Variants in DOCK9 observed in about 807,000 individuals in gnomAD.
DOCK9 encodes dedicator of cytokinesis protein 9.
Under a neutral mutation model 263.3 loss-of-function variants are expected in DOCK9, and 89 were observed. That is an observed-to-expected ratio of 0.34 (90% CI 0.28 to 0.40). The LOEUF (loss-of-function observed/expected upper bound fraction) is 0.40. DOCK9 is among the 10% of genes least tolerant of loss of function. The pLI is 1.00. For missense variants in DOCK9, 2,140 were observed against 2,603.4 expected (o/e 0.82, Z 3.87); for synonymous variants, 976 against 973.1 (o/e 1.00, Z -0.06).
intron 15 of DOCK9, among the ~76,000 whole-genome samples, chr13:98,893,906 A>G (rs2046999536): frequency 6.6e-6 from 1 of 152,188 alleles, no homozygotes; most frequent in Admixed American, 6.5e-5. Context: ...TGCTGTCACC[A>G]TCGGATCCCT....
chr13:98,956,672 G>A (rs1011804655), intron 1 of DOCK9, among the ~76,000 whole-genome samples: 3 of 152,070 alleles, frequency 2.0e-5, no homozygotes, highest in African/African-American at 7.2e-5. Context: ...ACTTGAACTG[G>A]GGAGGCGGAG....
Position 98,810,283 on chromosome 13 carries a change from C to T in DOCK9, c.5139G>A (p.Leu1713=), listed in dbSNP as rs774772479. The change falls in exon 46 of 53, where the codon CTG becomes CTA. Residue 1713 remains leucine, a synonymous_variant. Transcript: ENST00000682017. Reference sequence around the variant, plus strand: ...CTGCGCACTGCTCAAGGAGCTCCATCAGCACATCCTGATCAAAGAGGAGGG... The same window carrying T: ...CTGCGCACTGCTCAAGGAGCTCCATTAGCACATCCTGATCAAAGAGGAGGG... The part of the protein sequence containing the change: ...MQDVHFNEDV[L]MELLEQCADG... 6.2e-7 allele frequency: 1 copy of T among 1,613,496 alleles called. No homozygotes were observed. Among genetic ancestry groups the T allele is most frequent in the East Asian group, 2.2e-5 (1 of 44,878 alleles).
At chr13:98,796,317 T>C (rs2089398487) in intron 52 of DOCK9, 4 of 958,154 alleles carry the variant, frequency 4.2e-6, no homozygotes, top group Admixed American at 2.0e-5. Flanking sequence ...TGTCAGGGGA[T>C]AGGATCACTC....
intron 1 of DOCK9, among the ~76,000 whole-genome samples, chr13:99,003,600 C>T (rs1247585008): frequency 6.6e-6 from 1 of 152,214 alleles, no homozygotes; most frequent in Non-Finnish European, 1.5e-5. Context: ...TCAGTGCTCC[C>T]ACCTCAGCAG....
chr13:98,970,266 G>A (rs556256515), intron 1 of DOCK9, among the ~76,000 whole-genome samples: 17 of 152,286 alleles, frequency 1.1e-4, no homozygotes, highest in Admixed American at 2.0e-4. Context: ...ACAAAGTACC[G>A]GGATGACAGG....
At chr13:98,933,830 A>G (rs2054346221) in intron 2 of DOCK9, among the ~76,000 whole-genome samples, 1 of 152,130 alleles carries the variant, frequency 6.6e-6, no homozygotes, top group South Asian at 2.1e-4. Flanking sequence ...ACAAAATGAG[A>G]TAGAAGGAAT....
chr13:99,062,523 T>C (rs1200381011), intron 1 of DOCK9, among the ~76,000 whole-genome samples: 1 of 152,228 alleles, frequency 6.6e-6, no homozygotes, highest in Non-Finnish European at 1.5e-5. Flanking sequence ...CATTTGGATG[T>C]GGCCTGCAAA....
At chr13:98,860,616 C>G in intron 32 of DOCK9, 94 bp from the exon 33 acceptor site, 2 of 1,175,662 alleles carry the variant, frequency 1.7e-6, no homozygotes, top group Non-Finnish European at 2.4e-6. Flanking sequence ...AGGACCAAGA[C>G]AGCCTGATGC....
At chr13:99,074,193 T>C (rs1272103707) in intron 1 of DOCK9, among the ~76,000 whole-genome samples, 3 of 152,272 alleles carry the variant, frequency 2.0e-5, no homozygotes, top group Non-Finnish European at 4.4e-5. Context: ...GTCCTTAAAC[T>C]GGATTCATTT....
rs372613527 is a variant in DOCK9, at chr13:98,881,919, T to C, written c.2648A>G (p.Gln883Arg). 292 of 1,592,032 alleles carry C rather than the reference T, an allele frequency of 1.8e-4. No homozygotes were observed. Among genetic ancestry groups the C allele is most frequent in the Non-Finnish European group, 2.3e-4 (269 of 1,169,172 alleles). Residue 883 changes from glutamine (Q) to arginine (R), a missense_variant, in exon 24 of 53, where the codon CAG becomes CGG. By Grantham distance (43) the Gln-to-Arg change is conservative. Transcript: ENST00000682017. ...QLFRVLTRAT[Q>R]EEVAVNVTRV... is the part of the protein sequence containing the mutation. ...AGTCACGTTAACCGCGACTTCTTCC[T>C]GTGTGGCTCTGGTGAGGACTCGGAA...
rs368725677 is a variant in DOCK9, at chr13:98,797,103, T to A, written c.6156+12A>T. The A allele has an allele frequency of 3.1e-6, 5 of 1,613,888 alleles. No homozygotes were observed. The highest frequency in any genetic ancestry group is 2.2e-5 in the East Asian group (1 of 44,894). On this transcript the variant is annotated intron_variant, in intron 52 of 52. Transcript: ENST00000682017. ...AAGAACTCCAAGTTGTTGGAGCCAGTGCGGCCCTCACCTGCTCATGCATGA... is the reference window on the plus strand; with the variant it reads ...AAGAACTCCAAGTTGTTGGAGCCAGAGCGGCCCTCACCTGCTCATGCATGA...
intron 1 of DOCK9, among the ~76,000 whole-genome samples, chr13:99,032,243 G>A (rs1256217495): frequency 2.0e-5 from 3 of 152,182 alleles, no homozygotes; most frequent in East Asian, 3.8e-4. Context: ...GGCCTAGGCA[G>A]GCCGATTGTC....
In DOCK9 at chr13:99,054,212, T is replaced by C. The variant is rs937227818; in HGVS notation, c.129+32011A>G. Reference sequence around the variant, plus strand: ...ATGGCTGCAAAATTACAAATATTAGTGCTCTCACTTAGAAAAAAAACAGCC... The same window carrying C: ...ATGGCTGCAAAATTACAAATATTAGCGCTCTCACTTAGAAAAAAAACAGCC... On this transcript the variant is annotated intron_variant, in intron 1 of 32. Transcript: ENST00000427887. 5.3e-5 allele frequency among the ~76,000 whole-genome samples: 8 copies of C among 152,298 alleles called. 1 individual carries two copies. The East Asian group carries it at 1.5e-3, about 29-fold the overall frequency.
At chr13:98,971,234 T>C (rs2059698106) in intron 1 of DOCK9, among the ~76,000 whole-genome samples, 1 of 152,182 alleles carries the variant, frequency 6.6e-6, no homozygotes, top group Non-Finnish European at 1.5e-5. Flanking sequence ...GGCCCACCCG[T>C]GCCACCAGCC....
At chr13:98,917,936 C>T (rs190152258) in intron 7 of DOCK9, among the ~76,000 whole-genome samples, 85 of 152,230 alleles carry the variant, frequency 5.6e-4, no homozygotes, top group Non-Finnish European at 1.1e-3. Flanking sequence ...CAGGTCACCC[C>T]GGCATTCCCT....
chr13:99,048,621 A>G (rs142913438), intron 1 of DOCK9, among the ~76,000 whole-genome samples: 4,211 of 152,272 alleles, frequency 0.028, 96 homozygotes, highest in South Asian at 0.062. Context: ...CCATAACTGT[A>G]ACATACAGAT....
rs190079673 is a variant in DOCK9 at position 99,024,887 on chromosome 13, C to A, written c.129+61336G>T. Among the ~76,000 whole-genome samples, 17 of 152,202 alleles carry A rather than the reference C, an allele frequency of 1.1e-4. No homozygotes were observed. The East Asian group carries it at 3.1e-3, about 28-fold the overall frequency. ...CAAAATAAAATATGTACTCTCTTGT[C>A]CTGGCTTATAGTCAGGTTAAATGGA... is the stretch of plus-strand genomic sequence containing the variant. On this transcript the variant is annotated intron_variant, in intron 1 of 32. Transcript: ENST00000427887.
intron 1 of DOCK9, among the ~76,000 whole-genome samples, chr13:99,016,459 A>G (rs980469253): frequency 1.3e-5 from 2 of 152,164 alleles, no homozygotes; most frequent in African/African-American, 4.8e-5. Context: ...AACATGAATA[A>G]AGGGCTACCC....
In DOCK9 at chr13:98,885,611, T is replaced by A. The variant is rs186231454; in HGVS notation, c.2260+97A>T. The A allele has an allele frequency of 4.3e-4, 567 of 1,329,046 alleles. 7 individuals carry two copies. The African/African-American group carries it at 7.6e-3, about 18-fold the overall frequency. 82.3% of individuals were successfully genotyped at this position (1,329,046 alleles called of 1,614,324 possible). A position where few individuals can be genotyped will look rare whatever the true frequency, so the allele number is the denominator to read the frequency against. On this transcript the variant is annotated intron_variant, in intron 20 of 52. Coordinates refer to ENST00000682017, the MANE Select transcript of DOCK9 (RefSeq NM_001366683.2). Reference sequence around the variant, plus strand: ...GTTACCTATAAAATTCATTTAAAGATCCCTTTGCAAAAAGATGGAAATTCA... The same window carrying A: ...GTTACCTATAAAATTCATTTAAAGAACCCTTTGCAAAAAGATGGAAATTCA...
Sources: gnomAD v4.1 joint callset for allele counts (sites outside exome capture counted in the v4.1 genomes callset) on GRCh38, gnomAD v4.1.1 for gene constraint, MANE v1.5 for transcripts, NCBI Gene and HGNC (gene_info 2026-07-23, HGNC 2026-07-21) for gene names.